The following SDC3 variants were observed in gnomAD, a reference collection of about 807,000 sequenced individuals.
SDC3 encodes syndecan-3.
A neutral mutation model predicts 24.4 loss-of-function variants in SDC3; 13 were observed. That is an observed-to-expected ratio of 0.53 (90% CI 0.35 to 0.85). SDC3 has a LOEUF of 0.85. Among genes scored for constraint, SDC3 ranks in the 40% least tolerant of loss-of-function variants. The pLI is 0.01. For missense variants in SDC3, 571 were observed against 584.5 expected (o/e 0.98, Z 0.24); for synonymous variants, 295 against 260.9 (o/e 1.13, Z -1.26).
chr1:30,882,346 C>A (rs1403174149), intron 1 of SDC3, among the ~76,000 whole-genome samples: 3 of 152,208 alleles, frequency 2.0e-5, no homozygotes, highest in Non-Finnish European at 4.4e-5. Flanking sequence ...AGTCACCACA[C>A]CTTCCTGAAG....
chr1:30,880,113 C>T (rs1168901200), intron 1 of SDC3: 1 of 152,300 alleles, frequency 6.6e-6, no homozygotes, highest in African/African-American at 2.4e-5. Context: ...GGAAACCCAT[C>T]AGCCTCCACT....
intron 1 of SDC3, among the ~76,000 whole-genome samples, chr1:30,904,768 G>T (rs563874003): frequency 2.6e-5 from 4 of 152,202 alleles, no homozygotes; most frequent in East Asian, 3.9e-4. Context: ...TCATTGCTTA[G>T]CTCAAAACCC....
Position 30,869,787 on chromosome 1 carries a change from T to G in SDC3, c.*3424A>C. ...AGACCCCCACCCACCCCAGGCAGGT[T>G]CTGTACAGGAGAAAGGACTCACAGG... On this transcript the variant is annotated 3_prime_UTR_variant, in exon 5 of 5. Coordinates refer to ENST00000339394, the MANE Select transcript of SDC3 (RefSeq NM_014654.4). The G allele has an allele frequency of 5.0e-6, 2 of 398,662 alleles. No individual in the cohort carries two copies. Among genetic ancestry groups the G allele is most frequent in the Non-Finnish European group, 8.8e-6 (2 of 226,198 alleles). The allele number at this position is 398,662 out of a possible 1,614,324, so 24.7% of individuals were successfully genotyped here. A position where few individuals can be genotyped will look rare whatever the true frequency, so the allele number is the denominator to read the frequency against.
rs192718793 is a variant in SDC3, at chr1:30,882,843, G to A, written c.139-4103C>T. On this transcript the variant is annotated intron_variant, in intron 1 of 4. Coordinates refer to ENST00000339394, the MANE Select transcript of SDC3 (RefSeq NM_014654.4). ...ATGAACCAGCTCCTCTTTACTACCC[G>A]GTTGGCTGTCAGGCAAGCCATTTAA... Among the ~76,000 whole-genome samples, 179 of 152,194 alleles carry A rather than the reference G, an allele frequency of 1.2e-3. 1 individual carries two copies. Among genetic ancestry groups the A allele is most frequent in the East Asian group, 1.2e-3 (6 of 5,176 alleles).
rs1465603557 is a variant in SDC3 at position 30,872,827 on chromosome 1, A to G, written c.*384T>C. 3.2e-5 allele frequency: 7 copies of G among 219,010 alleles called. No individual in the cohort carries two copies. Among genetic ancestry groups the G allele is most frequent in the South Asian group, 2.1e-4 (2 of 9,712 alleles). The allele number at this position is 219,010 out of a possible 1,614,324, so 13.6% of individuals were successfully genotyped here. ...CCAGCCTGAGTGCCTCTCTGCCCCAAAAAGGAGATCTCAGTGAGCACTGTG... is the reference window on the plus strand; with the variant it reads ...CCAGCCTGAGTGCCTCTCTGCCCCAGAAAGGAGATCTCAGTGAGCACTGTG... On this transcript the variant is annotated 3_prime_UTR_variant, in exon 5 of 5. Coordinates refer to ENST00000339394, the MANE Select transcript of SDC3 (RefSeq NM_014654.4).
At chr1:30,879,479 C>A (rs547832085) in intron 1 of SDC3, among the ~76,000 whole-genome samples, 3 of 152,110 alleles carry the variant, frequency 2.0e-5, no homozygotes, top group Non-Finnish European at 2.9e-5. Flanking sequence ...CCAACTTTTC[C>A]CCAGCTCCCC....
At chr1:30,883,042 G>A (rs960443256) in intron 1 of SDC3, among the ~76,000 whole-genome samples, 8 of 152,086 alleles carry the variant, frequency 5.3e-5, no homozygotes, top group Non-Finnish European at 8.8e-5. Context: ...TTATTATTTC[G>A]AAGCCTTTAT....
At chr1:30,887,018 A>G (rs1406403178) in intron 1 of SDC3, among the ~76,000 whole-genome samples, 1 of 152,140 alleles carries the variant, frequency 6.6e-6, no homozygotes, top group East Asian at 1.9e-4. Context: ...AGCCCTAATC[A>G]GTTTCCCCTA....
chr1:30,878,484 G>A, intron 2 of SDC3, 139 bp downstream of exon 2: 1 of 664,488 alleles, frequency 1.5e-6, no homozygotes, highest in Non-Finnish European at 2.7e-6. Context: ...TGGGGATCCA[G>A]AGCAAGAAGA....
chr1:30,890,298 A>C (rs2096192), intron 1 of SDC3, among the ~76,000 whole-genome samples: 14,172 of 152,306 alleles, frequency 0.093, 935 homozygotes, highest in Non-Finnish European at 0.15. Context: ...CAAGAGCAAA[A>C]CTCAGTCTCA....
intron 1 of SDC3, among the ~76,000 whole-genome samples, chr1:30,896,212 G>C (rs1639996615): frequency 6.6e-6 from 1 of 152,186 alleles, no homozygotes; most frequent in African/African-American, 2.4e-5. Flanking sequence ...AAGAAACAAA[G>C]TAGCAATGTC....
intron 1 of SDC3, among the ~76,000 whole-genome samples, chr1:30,891,207 C>T (rs769647145): frequency 3.3e-5 from 5 of 152,216 alleles, no homozygotes; most frequent in Non-Finnish European, 5.9e-5. Context: ...TGGTAAAACA[C>T]GCCTGAATTT....
chr1:30,905,356 AACAC>A (rs74721441), intron 1 of SDC3, among the ~76,000 whole-genome samples: 2,185 of 77,264 alleles, frequency 0.028, 44 homozygotes, highest in East Asian at 0.055. Context: ...CTCTCTCACA[AACAC>A]ACACACACAC....
chr1:30,878,938 C>T, intron 1 of SDC3, 198 bp from the exon 2 acceptor site: 2 of 555,262 alleles, frequency 3.6e-6, no homozygotes, highest in South Asian at 4.8e-5. Context: ...CCTGGGGTCC[C>T]ATCCCAGAAG....
At chr1:30,876,105 C>T (rs1034164085) in intron 3 of SDC3, among the ~76,000 whole-genome samples, 1 of 152,196 alleles carries the variant, frequency 6.6e-6, no homozygotes, top group Non-Finnish European at 1.5e-5. Context: ...GGAGACTTCA[C>T]GCTCACAATG....
chr1:30,869,536 C>CAAAAAAAAAAAAAAAAAAAAAAAA lies in SDC3; in HGVS notation c.*3651_*3674dup, dbSNP rs11338317. ...AGGAAGTGTTAAAAAAACAAACAAA[C>CAAAAAAAAAAAAAAAAAAAAAAAA]AAAAAAAAAAAAAAAAAAAAAAAAA... is the stretch of plus-strand genomic sequence containing the variant. On this transcript the variant is annotated 3_prime_UTR_variant, in exon 5 of 5. Transcript: ENST00000339394. The CAAAAAAAAAAAAAAAAAAAAAAAA allele has an allele frequency of 3.0e-6, 1 of 331,864 alleles. No homozygotes were observed. The highest frequency in any genetic ancestry group is 5.2e-6 in the Non-Finnish European group (1 of 192,638). The allele number at this position is 331,864 out of a possible 1,614,324, so 20.6% of individuals were successfully genotyped here. A position where few individuals can be genotyped will look rare whatever the true frequency, so the allele number is the denominator to read the frequency against.
At chr1:30,901,850 T>A (rs1294343817) in intron 1 of SDC3, among the ~76,000 whole-genome samples, 1 of 152,220 alleles carries the variant, frequency 6.6e-6, no homozygotes, top group East Asian at 1.9e-4. Context: ...CCGCTCCTTA[T>A]TTACTTTAGT....
At chr1:30,878,377 A>T (rs749693010) in intron 2 of SDC3, 46 of 447,180 alleles carry the variant, frequency 1.0e-4, no homozygotes, top group Non-Finnish European at 1.7e-4. Flanking sequence ...ACACACAAAG[A>T]TGCAGACGTG....
intron 1 of SDC3, among the ~76,000 whole-genome samples, chr1:30,897,484 C>T (rs1038481090): frequency 6.6e-6 from 1 of 152,166 alleles, no homozygotes; most frequent in African/African-American, 2.4e-5. Flanking sequence ...TGCCCATAGC[C>T]CCATACAGAC....
Sources: gnomAD v4.1 joint callset for allele counts (sites outside exome capture counted in the v4.1 genomes callset) on GRCh38, gnomAD v4.1.1 for gene constraint, MANE v1.5 for transcripts, NCBI Gene and HGNC (gene_info 2026-07-23, HGNC 2026-07-21) for gene names.